The following RANBP3 variants were observed in gnomAD, a reference collection of about 807,000 sequenced individuals.
The protein encoded by RANBP3 is RAN binding protein 3.
RANBP3 carries 14 observed loss-of-function variants against 77.3 expected under a neutral mutation model. That is an observed-to-expected ratio of 0.18 (90% CI 0.12 to 0.28). The LOEUF (loss-of-function observed/expected upper bound fraction) is 0.28, where lower values mean the gene tolerates loss of function less well. Among genes scored for constraint, RANBP3 ranks in the 10% least tolerant of loss-of-function variants. The pLI, the probability that RANBP3 is intolerant of heterozygous loss-of-function variation, is 1.00. For synonymous variants in RANBP3, 315 were observed against 312.4 expected (o/e 1.01, Z -0.09); for missense variants, 586 against 752.3 (o/e 0.78, Z 2.59).
chr19:5,960,403 G>T (rs1043588965), intron 1 of RANBP3, among the ~76,000 whole-genome samples: 1 of 152,150 alleles, frequency 6.6e-6, no homozygotes, highest in Admixed American at 6.5e-5. Context: ...TCAAAGTGAC[G>T]CTAAGATGCT....
intron 2 of RANBP3, among the ~76,000 whole-genome samples, chr19:5,956,906 T>A (rs994185691): frequency 1.3e-5 from 2 of 152,116 alleles, no homozygotes; most frequent in Non-Finnish European, 2.9e-5. Flanking sequence ...GCAGACATCC[T>A]CAAAATGCAC....
At chr19:5,968,530 T>C (rs917793419) in intron 1 of RANBP3, among the ~76,000 whole-genome samples, 10 of 152,212 alleles carry the variant, frequency 6.6e-5, no homozygotes, top group African/African-American at 2.4e-4. Flanking sequence ...TGCAAACATA[T>C]TGATGCCACC....
chr19:5,933,519 G>A (rs751379462), intron 5 of RANBP3, 40 bp from the exon 6 acceptor site: 8 of 1,578,738 alleles, frequency 5.1e-6, no homozygotes, highest in Admixed American at 3.4e-5. Flanking sequence ...AGGCCTGCCT[G>A]GGCTGGGGCT....
At position 5,923,320 on chromosome 19, in the gene RANBP3, C is replaced by G; in HGVS notation, c.1100-17G>C. 1 of 1,606,544 alleles carries G rather than the reference C, an allele frequency of 6.2e-7. No individual in the cohort carries two copies. The highest frequency in any genetic ancestry group is 8.5e-7 in the Non-Finnish European group (1 of 1,173,216). On this transcript the variant is annotated splice_polypyrimidine_tract_variant and intron_variant, in intron 12 of 16. Transcript: ENST00000340578. ...CCAGGGACTCTGAAAAGTTATTGGC[C>G]AAAAAGACTGACTGATTATTTGGCG...
chr19:5,973,917 C>T (rs2058558239), intron 1 of RANBP3, among the ~76,000 whole-genome samples: 1 of 152,170 alleles, frequency 6.6e-6, no homozygotes, highest in African/African-American at 2.4e-5. Context: ...CCCCAAATGA[C>T]TCAGAGTGGA....
At chr19:5,929,700 T>C (rs1049841871) in intron 8 of RANBP3, among the ~76,000 whole-genome samples, 1 of 152,146 alleles carries the variant, frequency 6.6e-6, no homozygotes, top group African/African-American at 2.4e-5. Flanking sequence ...ATAGCTCACG[T>C]TCCCGATGAG....
intron 1 of RANBP3, among the ~76,000 whole-genome samples, chr19:5,971,015 G>A (rs2058524012): frequency 6.6e-6 from 1 of 152,080 alleles, no homozygotes; most frequent in Admixed American, 6.6e-5. Flanking sequence ...AACCCACACT[G>A]TACACTGAGG....
At chr19:5,923,022 C>T (rs2057845755) in intron 13 of RANBP3, among the ~76,000 whole-genome samples, 172 bp downstream of exon 13, 1 of 152,238 alleles carries the variant, frequency 6.6e-6, no homozygotes, top group Admixed American at 6.5e-5. Flanking sequence ...GCCCCTGAGC[C>T]TAAGCTCTCT....
chr19:5,966,873 T>G (rs1406630653), intron 1 of RANBP3, among the ~76,000 whole-genome samples: 3 of 152,266 alleles, frequency 2.0e-5, no homozygotes, highest in Non-Finnish European at 4.4e-5. Context: ...AATCCTGGGC[T>G]GATATGTCTT....
chr19:5,949,314 T>C (rs2058246589), intron 3 of RANBP3, among the ~76,000 whole-genome samples: 1 of 152,260 alleles, frequency 6.6e-6, no homozygotes, highest in Admixed American at 6.5e-5. Context: ...ACTTGATCTA[T>C]GGCCTAACTA....
At chr19:5,941,067 A>G (rs1209079259) in intron 5 of RANBP3, among the ~76,000 whole-genome samples, 1 of 151,982 alleles carries the variant, frequency 6.6e-6, no homozygotes, top group Non-Finnish European at 1.5e-5. Flanking sequence ...AGCCTGGCCC[A>G]CCCTTCCAGG....
At position 5,921,428 on chromosome 19, in the gene RANBP3, C is replaced by T. The variant is rs1014348439; in HGVS notation, c.1210-107G>A. The T allele has an allele frequency of 3.3e-5, 48 of 1,470,872 alleles. 2 individuals carry two copies. In the Middle Eastern group the frequency reaches 5.4e-4, roughly 17 times the overall value. The allele number at this position is 1,470,872 out of a possible 1,614,324, so 91.1% of individuals were successfully genotyped here. On this transcript the variant is annotated intron_variant, in intron 13 of 16. Coordinates refer to ENST00000340578, the MANE Select transcript of RANBP3 (RefSeq NM_007322.3). The surrounding 1 kb of genome is among the most constrained non-coding windows in gnomAD (Gnocchi z 5.3). ...TGTGGGGACTGCCAGGGCCAGCCAACGACGGCCTGGGGGCCACCTTGGTCA... is the reference window on the plus strand; with the variant it reads ...TGTGGGGACTGCCAGGGCCAGCCAATGACGGCCTGGGGGCCACCTTGGTCA...
At chr19:5,944,800 T>A (rs1395826353) in intron 3 of RANBP3, among the ~76,000 whole-genome samples, 1 of 152,158 alleles carries the variant, frequency 6.6e-6, no homozygotes, top group African/African-American at 2.4e-5. Context: ...GCCCAGGACA[T>A]CCCCACCCCC....
At chr19:5,971,034 G>A (rs1321170052) in intron 1 of RANBP3, among the ~76,000 whole-genome samples, 16 of 152,134 alleles carry the variant, frequency 1.1e-4, no homozygotes, top group Non-Finnish European at 2.9e-5. Flanking sequence ...GGCTCTGCTA[G>A]CACATGCCAG....
In RANBP3 at chr19:5,952,888, G is replaced by A. The variant is rs546274421; in HGVS notation, c.79-1292C>T. Among the ~76,000 whole-genome samples, 170 of 152,272 alleles carry A rather than the reference G, an allele frequency of 1.1e-3. 1 individual carries two copies. The highest frequency in any genetic ancestry group is 2.1e-3 in the Non-Finnish European group (141 of 68,014). On this transcript the variant is annotated intron_variant, in intron 2 of 16. Transcript: ENST00000340578. The surrounding 1 kb of genome is among the most constrained non-coding windows in gnomAD (Gnocchi z 4.1). ...GCTCTCTAAACCTGCACAGGGCACCGTGGTTCGTCCAGCCACCCATGTCTG... is the reference window on the plus strand; with the variant it reads ...GCTCTCTAAACCTGCACAGGGCACCATGGTTCGTCCAGCCACCCATGTCTG...
At position 5,917,489 on chromosome 19, in the gene RANBP3, G is replaced by C. The variant is rs986616626; in HGVS notation, c.*121C>G. On this transcript the variant is annotated 3_prime_UTR_variant, in exon 17 of 17. Transcript: ENST00000340578. ...GGACGTGCGGGTCCAGACTGTGGCC[G>C]GCCCAGTGGGGTGTGTGGTTCCCGG... is the stretch of plus-strand genomic sequence containing the variant. 2.6e-6 allele frequency: 3 copies of C among 1,160,890 alleles called. No homozygotes were observed. Among genetic ancestry groups the C allele is most frequent in the African/African-American group, 3.1e-5 (2 of 64,474 alleles). 71.9% of individuals were successfully genotyped at this position (1,160,890 alleles called of 1,614,324 possible).
intron 2 of RANBP3, among the ~76,000 whole-genome samples, chr19:5,953,245 C>T (rs1324374055): frequency 6.6e-6 from 1 of 152,202 alleles, no homozygotes; most frequent in Non-Finnish European, 1.5e-5. Flanking sequence ...ATTTTCTACT[C>T]AGGTCCTAGC....
chr19:5,941,904 C>T (rs1244362643), intron 3 of RANBP3, 69 bp from the exon 4 acceptor site: 3 of 1,573,888 alleles, frequency 1.9e-6, no homozygotes, highest in Non-Finnish European at 2.6e-6. Flanking sequence ...ACTCTCGGGG[C>T]CGTAACAAAT....
In RANBP3 at chr19:5,959,423, G is replaced by A. The variant is rs1288245904; in HGVS notation, c.23-1450C>T. ...ACCTTGGGGCATCAGTCCACAGCCA[G>A]GCAGCCCACTGATGGTGACATTCCC... On this transcript the variant is annotated intron_variant, in intron 1 of 16. Coordinates refer to ENST00000340578, the MANE Select transcript of RANBP3 (RefSeq NM_007322.3). This position sits in a 1 kb window ranked among gnomAD's most constrained non-coding sequence, Gnocchi z 5.1. Among the ~76,000 whole-genome samples, 1 of 152,088 alleles carries A rather than the reference G, an allele frequency of 6.6e-6. No individual in the cohort carries two copies. Among genetic ancestry groups the A allele is most frequent in the Non-Finnish European group, 1.5e-5 (1 of 68,016 alleles).
Sources: allele counts gnomAD v4.1 joint callset (sites outside exome capture counted in the v4.1 genomes callset), GRCh38; gene constraint gnomAD v4.1.1; non-coding constraint Gnocchi (gnomAD v3.1); transcripts MANE v1.5; gene names NCBI Gene and HGNC (gene_info 2026-07-23, HGNC 2026-07-21).